PDZD2: variants seen among roughly 807,000 people sequenced by gnomAD.
PDZD2 encodes the protein PDZ domain-containing protein 2.
In PDZD2, 90 loss-of-function variants were observed where a neutral mutation model predicts 220.7. That is an observed-to-expected ratio of 0.41 (90% CI 0.34 to 0.49). PDZD2 has a LOEUF of 0.49. PDZD2 is among the 20% of genes least tolerant of loss of function. The pLI is 0.28. For synonymous variants in PDZD2, 1,375 were observed against 1,450.5 expected, an observed-to-expected ratio of 0.95 and a Z score of 1.18; for missense variants, 3,174 against 3,608.5, an observed-to-expected ratio of 0.88 and a Z score of 3.08.
At chr5:31,929,245 C>T (rs1012689111) in intron 2 of PDZD2, among the ~76,000 whole-genome samples, 3 of 152,142 alleles carry the variant, frequency 2.0e-5, no homozygotes, top group African/African-American at 7.2e-5. Context: ...ATTTTCTGCC[C>T]CCTGTCAGCA....
At position 32,087,449 on chromosome 5, in the gene PDZD2, C is replaced by T. The variant is rs144304775; in HGVS notation, c.4001C>T (p.Thr1334Ile). The change falls in exon 20 of 25, where the codon ACA becomes ATA. Residue 1334 changes from threonine to isoleucine, a missense_variant. Thr to Ile is a moderately conservative substitution (Grantham distance 89). Transcript: ENST00000438447. This position sits in a 1 kb window ranked among gnomAD's most constrained non-coding sequence, Gnocchi z 4.0. ...RGAGPGAEGM[T>I]PAGAVLPGDP... ...GCGGGACCTGGAGCAGAGGGAATGACACCAGCTGGTGCTGTCCTGCCAGGA... is the reference window on the plus strand; with the variant it reads ...GCGGGACCTGGAGCAGAGGGAATGATACCAGCTGGTGCTGTCCTGCCAGGA... 1 of 1,613,938 alleles carries T rather than the reference C, an allele frequency of 6.2e-7. No homozygotes were observed. The highest frequency in any genetic ancestry group is 1.3e-5 in the African/African-American group (1 of 74,940).
At chr5:31,921,163 A>T (rs552549663) in intron 2 of PDZD2, among the ~76,000 whole-genome samples, 6 of 152,202 alleles carry the variant, frequency 3.9e-5, no homozygotes, top group Non-Finnish European at 7.3e-5. Context: ...GACAAACGGG[A>T]CATGGTCAAA....
intron 2 of PDZD2, among the ~76,000 whole-genome samples, chr5:31,879,278 T>C (rs971717184): frequency 1.3e-5 from 2 of 151,786 alleles, no homozygotes; most frequent in Non-Finnish European, 2.9e-5. Flanking sequence ...TCCCACCTAC[T>C]TGGGAGACTG....
At chr5:31,897,579 A>G (rs997270810) in intron 2 of PDZD2, among the ~76,000 whole-genome samples, 6 of 152,190 alleles carry the variant, frequency 3.9e-5, no homozygotes, top group Non-Finnish European at 7.3e-5. Context: ...AGTGCTTCCT[A>G]TTGATGTGAA....
rs534901449 is a variant in PDZD2, at chr5:31,737,427, C to T, written c.-360-61462C>T. The stretch of plus-strand genomic sequence containing the variant: ...GACCTCGTGATCCGCCCGCCTTGGC[C>T]TCCCAAAGTGCTGGGATTACAGGCG... On this transcript the variant is annotated intron_variant, in intron 1 of 24. Coordinates refer to ENST00000438447, the MANE Select transcript of PDZD2 (RefSeq NM_178140.4). Among the ~76,000 whole-genome samples, 432 of 152,212 alleles carry T rather than the reference C, an allele frequency of 2.8e-3. 2 individuals are homozygous for T. Among genetic ancestry groups the T allele is most frequent in the Non-Finnish European group, 4.6e-3 (315 of 68,004 alleles).
intron 2 of PDZD2, among the ~76,000 whole-genome samples, chr5:31,834,743 G>A (rs562351481): frequency 4.6e-5 from 7 of 151,712 alleles, no homozygotes; most frequent in Admixed American, 2.6e-4. Flanking sequence ...GTGGGGTGGG[G>A]GGAAGGGGGA....
At chr5:31,985,792 C>T (rs565382751) in intron 3 of PDZD2, among the ~76,000 whole-genome samples, 49 of 152,120 alleles carry the variant, frequency 3.2e-4, no homozygotes, top group African/African-American at 1.2e-3. Flanking sequence ...TAAAATTGAA[C>T]TTCTGGCCGG....
At chr5:31,704,863 G>A (rs1282932982) in intron 1 of PDZD2, among the ~76,000 whole-genome samples, 1 of 152,090 alleles carries the variant, frequency 6.6e-6, no homozygotes, top group Non-Finnish European at 1.5e-5. Flanking sequence ...ATTATATTGT[G>A]CAAATTACGA....
At chr5:32,095,752 TTTTC>T (rs1743611188) in intron 21 of PDZD2, among the ~76,000 whole-genome samples, 1 of 151,546 alleles carries the variant, frequency 6.6e-6, no homozygotes, top group East Asian at 1.9e-4. Flanking sequence ...TTTTTTTTTC[TTTTC>T]TTGAGATGGA....
chr5:32,031,296 T>G (rs1413109687), intron 6 of PDZD2, among the ~76,000 whole-genome samples: 1 of 152,234 alleles, frequency 6.6e-6, no homozygotes, highest in Admixed American at 6.5e-5. Flanking sequence ...GTCTGTTGTC[T>G]AAGATCTCTT....
At chr5:31,850,914 G>T (rs1295140480) in intron 2 of PDZD2, among the ~76,000 whole-genome samples, 1 of 152,088 alleles carries the variant, frequency 6.6e-6, no homozygotes, top group Non-Finnish European at 1.5e-5. Flanking sequence ...AGGATTACAG[G>T]TGTGAGCCAC....
chr5:31,823,151 TG>T, intron 2 of PDZD2: 1 of 97,360 alleles, frequency 1.0e-5, no homozygotes, highest in Non-Finnish European at 1.8e-5. Flanking sequence ...GCAGTAGACG[TG>T]GCAAAAAAAA....
intron 1 of PDZD2, among the ~76,000 whole-genome samples, chr5:31,708,036 C>T (rs1004629172): frequency 4.1e-4 from 62 of 152,292 alleles, no homozygotes; most frequent in African/African-American, 1.4e-3. Flanking sequence ...GTAACAGCAG[C>T]TCCCGGGCCC....
At chr5:32,048,202 C>T (rs1257933687) in intron 7 of PDZD2, among the ~76,000 whole-genome samples, 1 of 152,220 alleles carries the variant, frequency 6.6e-6, no homozygotes, top group Non-Finnish European at 1.5e-5. Flanking sequence ...GATATTCCTC[C>T]ATCATCAGGA....
At chr5:31,770,021 A>C (rs537541947) in intron 1 of PDZD2, among the ~76,000 whole-genome samples, 1 of 152,342 alleles carries the variant, frequency 6.6e-6, no homozygotes, top group East Asian at 1.9e-4. Context: ...AGCCTGAGGC[A>C]GACTCTTCTT....
At chr5:31,824,362 A>G (rs192312496) in intron 2 of PDZD2, among the ~76,000 whole-genome samples, 6 of 145,940 alleles carry the variant, frequency 4.1e-5, no homozygotes, top group Admixed American at 7.0e-5. Flanking sequence ...TATAATGGCA[A>G]CATGCAATTT....
At position 32,087,253 on chromosome 5, in the gene PDZD2, G is replaced by C. The variant is rs1249123692; in HGVS notation, c.3805G>C (p.Ala1269Pro). The change falls in exon 20 of 25, where the codon GCA becomes CCA. Residue 1269 changes from alanine to proline, a missense_variant. This residue lies in a region of PDZD2 where 1,861 missense variants were observed against 2,001.0 expected (regional missense o/e 0.93). Transcript: ENST00000438447. The surrounding 1 kb of genome is among the most constrained non-coding windows in gnomAD (Gnocchi z 4.0). ...VSRPENPSQP[A>P]SPRVTKCKAR... ...TCGGCCAGAGAATCCCAGCCAGCCT[G>C]CATCGCCCAGGGTCACCAAGTGCAA... The C allele has an allele frequency of 6.2e-7, 1 of 1,614,052 alleles. No homozygotes were observed. The highest frequency in any genetic ancestry group is 1.3e-5 in the African/African-American group (1 of 74,932).
At chr5:31,859,983 G>A (rs62361582) in intron 2 of PDZD2, among the ~76,000 whole-genome samples, 5,268 of 152,214 alleles carry the variant, frequency 0.035, 127 homozygotes, top group Non-Finnish European at 0.051. Flanking sequence ...TGTAGGATTA[G>A]CTCATTGGTG....
At chr5:31,772,506 A>C (rs914987590) in intron 1 of PDZD2, among the ~76,000 whole-genome samples, 3 of 152,096 alleles carry the variant, frequency 2.0e-5, no homozygotes, top group Admixed American at 6.6e-5. Flanking sequence ...TGGAAGTAAA[A>C]TTGCCTTCCT....
Sources: gnomAD v4.1 joint callset for allele counts (sites outside exome capture counted in the v4.1 genomes callset) on GRCh38, gnomAD v4.1.1 for gene constraint, gnomAD v4.1.1 regional missense constraint, Gnocchi (gnomAD v3.1) non-coding constraint, MANE v1.5 for transcripts, NCBI Gene and HGNC (gene_info 2026-07-23, HGNC 2026-07-21) for gene names.